CSMD1: variants seen among roughly 807,000 people sequenced by gnomAD.
The protein encoded by CSMD1 is CUB and sushi domain-containing protein 1.
CSMD1 carries 213 observed loss-of-function variants against 417.5 expected under a neutral mutation model. The observed-to-expected ratio is 0.51, with a 90% CI of 0.46 to 0.57. The LOEUF is 0.57. Ranked by LOEUF, CSMD1 falls within the 20% of genes least tolerant of loss-of-function variation. The probability of loss-of-function intolerance (pLI) is 0.00; values close to 1 mark genes in which losing one functional copy is unlikely to be tolerated. For missense variants in CSMD1, 6,923 were observed against 4,529.7 expected, an observed-to-expected ratio of 1.53 and a Z score of -15.17; for synonymous variants, 2,862 against 1,736.8, an observed-to-expected ratio of 1.65 and a Z score of -16.11.
At chr8:3,258,042 C>A (rs778943514) in intron 26 of CSMD1, among the ~76,000 whole-genome samples, 1 of 151,992 alleles carries the variant, frequency 6.6e-6, no homozygotes, top group Non-Finnish European at 1.5e-5. Flanking sequence ...GAGATGGTGT[C>A]GAGTAGACAG....
intron 3 of CSMD1, among the ~76,000 whole-genome samples, chr8:4,334,790 G>C (rs148750538): frequency 0.01 from 1,557 of 152,088 alleles, 30 homozygotes; most frequent in African/African-American, 0.036. Flanking sequence ...AGTCTGTTTG[G>C]GCTGCTATGA....
chr8:3,061,711 A>G (rs1812600288), intron 49 of CSMD1, among the ~76,000 whole-genome samples: 2 of 152,258 alleles, frequency 1.3e-5, no homozygotes, highest in Non-Finnish European at 2.9e-5. Context: ...CTATGTTTCA[A>G]CATTACTGCC....
At chr8:3,513,109 C>T (rs1296715600) in intron 10 of CSMD1, among the ~76,000 whole-genome samples, 6 of 149,014 alleles carry the variant, frequency 4.0e-5, no homozygotes, top group Non-Finnish European at 7.4e-5. Context: ...GGGGTGAATG[C>T]ATTGAATTAT....
At chr8:3,010,048 CA>C (rs757594844) in intron 52 of CSMD1, among the ~76,000 whole-genome samples, 7 of 152,332 alleles carry the variant, frequency 4.6e-5, no homozygotes, top group Non-Finnish European at 8.8e-5. Context: ...TCATTGTCCT[CA>C]AGCTTTGTCT....
At chr8:4,947,987 G>T (rs1032202398) in intron 1 of CSMD1, among the ~76,000 whole-genome samples, 1 of 151,976 alleles carries the variant, frequency 6.6e-6, no homozygotes, top group Admixed American at 6.6e-5. Context: ...AAAAAAATCT[G>T]CTGTATGAAC....
At chr8:3,563,162 G>A (rs1799543043) in intron 10 of CSMD1, among the ~76,000 whole-genome samples, 1 of 151,834 alleles carries the variant, frequency 6.6e-6, no homozygotes, top group African/African-American at 2.4e-5. Flanking sequence ...AATGTATTTG[G>A]CACTGTGTGA....
chr8:3,901,410 G>A (rs2688404), intron 5 of CSMD1, among the ~76,000 whole-genome samples: 6,085 of 152,198 alleles, frequency 0.04, 404 homozygotes, highest in African/African-American at 0.14. Flanking sequence ...CATCTTCCCT[G>A]AAATCCGTGC....
At chr8:3,083,481 T>C (rs1278410313) in intron 49 of CSMD1, among the ~76,000 whole-genome samples, 3 of 149,560 alleles carry the variant, frequency 2.0e-5, no homozygotes, top group Non-Finnish European at 3.0e-5. Context: ...TATATATTTT[T>C]GAGGCAGTCA....
Position 3,972,247 on chromosome 8 carries a change from T to C in CSMD1, c.818+25656A>G, listed in dbSNP as rs551001812. Among the ~76,000 whole-genome samples, 8 of 152,316 alleles carry C rather than the reference T, an allele frequency of 5.3e-5. No homozygotes were observed. In the East Asian group the frequency reaches 5.8e-4, roughly 11 times the overall value. Reference sequence around the variant, plus strand: ...GAAAAAAAAAAGAACTTCAATTAAATAGTATTGACCTTGTGTTCATTTTTA... The same window carrying C: ...GAAAAAAAAAAGAACTTCAATTAAACAGTATTGACCTTGTGTTCATTTTTA... On this transcript the variant is annotated intron_variant, in intron 5 of 69. Transcript: ENST00000635120.
chr8:4,020,678 G>C (rs1018510038), intron 4 of CSMD1, among the ~76,000 whole-genome samples: 1 of 152,164 alleles, frequency 6.6e-6, no homozygotes, highest in Non-Finnish European at 1.5e-5. Context: ...TAACAAAGCT[G>C]TTTTCATTTT....
intron 1 of CSMD1, among the ~76,000 whole-genome samples, chr8:4,820,858 T>C (rs1799483143): frequency 6.6e-6 from 1 of 152,160 alleles, no homozygotes; most frequent in African/African-American, 2.4e-5. Flanking sequence ...CAAGAATAAT[T>C]GTTGTTACTA....
chr8:4,773,337 C>T (rs76334563), intron 1 of CSMD1, among the ~76,000 whole-genome samples: 2 of 152,298 alleles, frequency 1.3e-5, no homozygotes, highest in East Asian at 3.9e-4. Flanking sequence ...TCTAAGCTCA[C>T]TGACTGGTGG....
At chr8:3,052,224 C>A (rs926288892) in intron 50 of CSMD1, among the ~76,000 whole-genome samples, 2 of 152,138 alleles carry the variant, frequency 1.3e-5, no homozygotes, top group East Asian at 1.9e-4. Context: ...CAAATTACAT[C>A]GTGTCTATAC....
At chr8:4,758,632 G>A (rs1261810055) in intron 1 of CSMD1, among the ~76,000 whole-genome samples, 1 of 152,276 alleles carries the variant, frequency 6.6e-6, no homozygotes, top group South Asian at 2.1e-4. Flanking sequence ...GTTCCACATG[G>A]CTGGGGAGGC....
chr8:3,936,522 C>T (rs1006648959), intron 5 of CSMD1, among the ~76,000 whole-genome samples: 3 of 152,164 alleles, frequency 2.0e-5, no homozygotes, highest in African/African-American at 7.2e-5. Context: ...AAGAATTCTG[C>T]TAAATCAACT....
At chr8:3,610,992 A>T (rs2117135821) in intron 8 of CSMD1, among the ~76,000 whole-genome samples, 1 of 150,238 alleles carries the variant, frequency 6.7e-6, no homozygotes, top group East Asian at 2.0e-4. Flanking sequence ...CACTTAAACC[A>T]AACACCGCAT....
At chr8:4,429,012 G>GA (rs1797720151) in intron 2 of CSMD1, among the ~76,000 whole-genome samples, 1 of 151,856 alleles carries the variant, frequency 6.6e-6, no homozygotes, top group African/African-American at 2.4e-5. Flanking sequence ...CTGCACGTCG[G>GA]CCTTATCTTA....
At chr8:3,680,718 G>T (rs564987336) in intron 7 of CSMD1, among the ~76,000 whole-genome samples, 5 of 151,934 alleles carry the variant, frequency 3.3e-5, no homozygotes, top group Non-Finnish European at 5.9e-5. Flanking sequence ...TACCAAAGCC[G>T]GGCAGAGACA....
intron 39 of CSMD1, among the ~76,000 whole-genome samples, chr8:3,152,515 C>G (rs191615925): frequency 7.9e-5 from 12 of 152,134 alleles, no homozygotes; most frequent in African/African-American, 2.9e-4. Flanking sequence ...AAGCCTTTTT[C>G]TTTTTTAATC....
Sources: gnomAD v4.1 joint callset for allele counts (sites outside exome capture counted in the v4.1 genomes callset) on GRCh38, gnomAD v4.1.1 for gene constraint, MANE v1.5 for transcripts, NCBI Gene and HGNC (gene_info 2026-07-23, HGNC 2026-07-21) for gene names.